The following TRIM21 variants were observed in gnomAD, a reference collection of about 807,000 sequenced individuals.
TRIM21 encodes E3 ubiquitin-protein ligase TRIM21.
In TRIM21, 35 loss-of-function variants were observed where a neutral mutation model predicts 36.1. The observed-to-expected ratio is 0.97, with a 90% CI of 0.74 to 1.28. The LOEUF (loss-of-function observed/expected upper bound fraction) is 1.28. TRIM21 is among the 50% of genes most tolerant of loss of function. The pLI is 0.00. For missense variants in TRIM21, 635 were observed against 570.7 expected (o/e 1.11, Z -1.15); for synonymous variants, 256 against 211.5 (o/e 1.21, Z -1.83).
At chr11:4,386,003 G>C (rs1379540438) in intron 6 of TRIM21, 150 bp from the exon 7 acceptor site, 1 of 1,086,138 alleles carries the variant, frequency 9.2e-7, no homozygotes, top group Non-Finnish European at 1.3e-6. Context: ...TTCTGGCCTT[G>C]GTCCTGACCT....
chr11:4,390,742 G>T (rs2094962163), intron 1 of TRIM21, among the ~76,000 whole-genome samples: 1 of 152,080 alleles, frequency 6.6e-6, no homozygotes, highest in Non-Finnish European at 1.5e-5. Flanking sequence ...ACATAGACCA[G>T]TAGAATAAAG....
intron 3 of TRIM21, among the ~76,000 whole-genome samples, chr11:4,389,359 C>T (rs557147165): frequency 6.6e-6 from 1 of 152,326 alleles, no homozygotes; most frequent in African/African-American, 2.4e-5. Flanking sequence ...GACGCCATCA[C>T]ACCTCTGAGA....
At chr11:4,392,551 G>A (rs1383139024) in intron 1 of TRIM21, among the ~76,000 whole-genome samples, 2 of 110,602 alleles carry the variant, frequency 1.8e-5, no homozygotes, top group Non-Finnish European at 3.9e-5. Flanking sequence ...TGGGTGACAC[G>A]GCGAGACTCC....
At chr11:4,393,179 C>T (rs1204284644) in intron 1 of TRIM21, among the ~76,000 whole-genome samples, 1 of 152,206 alleles carries the variant, frequency 6.6e-6, no homozygotes, top group African/African-American at 2.4e-5. Context: ...CCCCTCTCAC[C>T]TCTGGAGGAC....
At position 4,388,792 on chromosome 11, in the gene TRIM21, C is replaced by G. The variant is rs138846512; in HGVS notation, c.505-262G>C. Reference sequence around the variant, plus strand: ...TAGCTGGCCTACAACGACAGCTACACGAATATATGGCATTGGGGACTTTTT... The same window carrying G: ...TAGCTGGCCTACAACGACAGCTACAGGAATATATGGCATTGGGGACTTTTT... On this transcript the variant is annotated intron_variant, in intron 3 of 6. Transcript: ENST00000254436. 2.8e-3 allele frequency among the ~76,000 whole-genome samples: 424 copies of G among 152,200 alleles called. 3 individuals carry two copies. Among genetic ancestry groups the G allele is most frequent in the Non-Finnish European group, 4.7e-3 (317 of 67,988 alleles).
intron 1 of TRIM21, among the ~76,000 whole-genome samples, chr11:4,392,169 A>T (rs554404345): frequency 1.3e-5 from 2 of 152,300 alleles, no homozygotes; most frequent in East Asian, 3.9e-4. Flanking sequence ...CCTGTATCAC[A>T]ATATTCCATA....
At chr11:4,391,414 G>C (rs2133054170) in intron 1 of TRIM21, among the ~76,000 whole-genome samples, 1 of 152,264 alleles carries the variant, frequency 6.6e-6, no homozygotes, top group East Asian at 1.9e-4. Flanking sequence ...TTCTCCAAAA[G>C]ACAGGCTATA....
At chr11:4,388,268 G>A in intron 4 of TRIM21, 32 bp downstream of exon 4, 1 of 1,571,294 alleles carries the variant, frequency 6.4e-7, no homozygotes, top group Non-Finnish European at 8.7e-7. Context: ...GTTATTCCCT[G>A]AATTGTAGAA....
Position 4,390,221 on chromosome 11 carries a change from G to C in TRIM21, c.189C>G (p.Leu63=). ...TGTTGGCTAGCTGTCGATTGGGCCGGAGATTCTTGAGCAGAAAGCGCTGCC... is the reference window on the plus strand; with the variant it reads ...TGTTGGCTAGCTGTCGATTGGGCCGCAGATTCTTGAGCAGAAAGCGCTGCC... ...VCRQRFLLKN[L]RPNRQLANMV... The change falls in exon 2 of 7, where the codon CTC becomes CTG. Residue 63 remains leucine (L), a synonymous_variant. Transcript: ENST00000254436. 1 of 1,614,024 alleles carries C rather than the reference G, an allele frequency of 6.2e-7. No homozygotes were observed. Among genetic ancestry groups the C allele is most frequent in the Non-Finnish European group, 8.5e-7 (1 of 1,179,896 alleles).
chr11:4,387,082 C>T, intron 4 of TRIM21, 92 bp from the exon 5 acceptor site: 5 of 1,335,608 alleles, frequency 3.7e-6, no homozygotes, highest in African/African-American at 1.5e-5. Flanking sequence ...TCTTTGGTCC[C>T]TGGGGCACTG....
rs189912047 is a variant in TRIM21, at chr11:4,388,082, A to G, written c.735+218T>C. 3.1e-3 allele frequency among the ~76,000 whole-genome samples: 465 copies of G among 152,312 alleles called. 5 individuals carry two copies. The highest frequency in any genetic ancestry group is 0.011 in the African/African-American group (438 of 41,562). ...ACATATCATTGGTGGATGCAAGATG[A>G]TTCTAAGTGCAACATAAATTGATTT... On this transcript the variant is annotated intron_variant, in intron 4 of 6. Transcript: ENST00000254436.
In TRIM21 at chr11:4,385,218, A is replaced by G. The variant is rs1462251454; in HGVS notation, c.*67T>C. 1.6e-5 allele frequency: 24 copies of G among 1,467,566 alleles called. No individual in the cohort carries two copies. The Admixed American group carries it at 5.3e-4, about 32-fold the overall frequency. 90.9% of individuals were successfully genotyped at this position (1,467,566 alleles called of 1,614,324 possible). ...AAAGGTGGTTCAGAGTTCATGGGGA[A>G]AAGAGGCAGGGTTTGTGGCTGAGAA... is the stretch of plus-strand genomic sequence containing the variant. On this transcript the variant is annotated 3_prime_UTR_variant, in exon 7 of 7. Coordinates refer to ENST00000254436, the MANE Select transcript of TRIM21 (RefSeq NM_003141.4).
At chr11:4,393,297 C>T (rs1222333904) in intron 1 of TRIM21, among the ~76,000 whole-genome samples, 1 of 152,134 alleles carries the variant, frequency 6.6e-6, no homozygotes, top group African/African-American at 2.4e-5. Context: ...AGCCGTCATC[C>T]TAGGTCAGGT....
chr11:4,390,248 GCACACAGGACAGACGCTGCCCC>G lies in TRIM21; in HGVS notation c.140_161del (p.Gly47AlafsTer16). Reference sequence around the variant, plus strand: ...GATTCTTGAGCAGAAAGCGCTGCCGGCACACAGGACAGACGCTGCCCCCACCTTTCCCAACCTGAGAGATGCA... The same window carrying G: ...GATTCTTGAGCAGAAAGCGCTGCCGGCACCTTTCCCAACCTGAGAGATGCA... On this transcript the variant is annotated frameshift_variant, in exon 2 of 7. Transcript: ENST00000254436. LOFTEE classifies it high-confidence loss of function. 1.2e-6 allele frequency: 2 copies of G among 1,613,972 alleles called. No individual in the cohort carries two copies. Among genetic ancestry groups the G allele is most frequent in the Non-Finnish European group, 1.7e-6 (2 of 1,179,888 alleles).
In TRIM21 at chr11:4,385,447, G is replaced by C. The variant is rs1168875225; in HGVS notation, c.1266C>G (p.Asn422Lys). The stretch of plus-strand genomic sequence containing the variant: ...AGATGAGGGAGCCATGGTCAGTGAT[G>C]TTGTAGAAGGAGACCATGCCAGCCT... ...DYEAGMVSFY[N>K]ITDHGSLIYS... is the part of the protein sequence containing the mutation. Residue 422 changes from asparagine (N) to lysine (K), a missense_variant, in exon 7 of 7, where the codon AAC (asparagine) becomes AAG (lysine). Physicochemically the swap from Asn to Lys is moderately conservative, Grantham distance 94 (BLOSUM62 0). Coordinates refer to ENST00000254436, the MANE Select transcript of TRIM21 (RefSeq NM_003141.4). The C allele has an allele frequency of 6.2e-7, 1 of 1,613,316 alleles. No homozygotes were observed. The highest frequency in any genetic ancestry group is 1.7e-5 in the Admixed American group (1 of 59,908).
At chr11:4,389,473 C>G (rs1365145373) in intron 3 of TRIM21, among the ~76,000 whole-genome samples, 181 bp downstream of exon 3, 1 of 152,178 alleles carries the variant, frequency 6.6e-6, no homozygotes, top group Non-Finnish European at 1.5e-5. Flanking sequence ...CCCCTTTGAA[C>G]CTGCATCATT....
In TRIM21 at chr11:4,385,807, A is replaced by G. The variant is rs1382410243; in HGVS notation, c.906T>C (p.Leu302=). 14 of 1,613,340 alleles carry G rather than the reference A, an allele frequency of 8.7e-6. No individual in the cohort carries two copies. Among genetic ancestry groups the G allele is most frequent in the Non-Finnish European group, 1.2e-5 (14 of 1,179,658 alleles). The change falls in exon 7 of 7, where the codon CTT becomes CTC. Residue 302 remains leucine, a synonymous_variant. Coordinates refer to ENST00000254436, the MANE Select transcript of TRIM21 (RefSeq NM_003141.4). ...GCCTCACTTGTCTCCGATCTTCTGA[A>G]AGTATCAGCCACGGATTGGCTGTGT... ...DPDTANPWLI[L]SEDRRQVRLG...
rs754895445 is a variant in TRIM21, at chr11:4,386,264, G to A, written c.759-7C>T. On this transcript the variant is annotated splice_region_variant and splice_polypyrimidine_tract_variant and intron_variant, in intron 5 of 6. Transcript: ENST00000254436. ...CAGGTTCCAGGACTCACTCCTGGGG[G>A]AAAGAGAGTTTGAGACTCCTGTCTC... is the stretch of plus-strand genomic sequence containing the variant. 10 of 1,609,812 alleles carry A rather than the reference G, an allele frequency of 6.2e-6. No individual in the cohort carries two copies. Among genetic ancestry groups the A allele is most frequent in the East Asian group, 4.5e-5 (2 of 44,848 alleles).
At chr11:4,386,466 G>A in intron 5 of TRIM21, 1 of 619,476 alleles carries the variant, frequency 1.6e-6, no homozygotes, top group East Asian at 2.8e-5. Flanking sequence ...AGGCTCTGCA[G>A]CATGTGGACA....
Sources: gnomAD v4.1 joint callset for allele counts (sites outside exome capture counted in the v4.1 genomes callset) on GRCh38, gnomAD v4.1.1 for gene constraint, MANE v1.5 for transcripts, NCBI Gene and HGNC (gene_info 2026-07-23, HGNC 2026-07-21) for gene names.